L3MBTL3: variants seen among roughly 807,000 people sequenced by gnomAD.
L3MBTL3 encodes lethal(3)malignant brain tumor-like protein 3.
A neutral mutation model predicts 102.3 loss-of-function variants in L3MBTL3; 27 were observed. The ratio of observed to expected loss-of-function variants is 0.26; its 90% CI spans 0.19 to 0.36. The LOEUF (loss-of-function observed/expected upper bound fraction) is 0.36, where lower values mean the gene tolerates loss of function less well. L3MBTL3 is among the 10% of genes least tolerant of loss of function. The pLI, the probability that L3MBTL3 is intolerant of heterozygous loss-of-function variation, is 1.00. For missense variants in L3MBTL3, 798 were observed against 955.3 expected, an observed-to-expected ratio of 0.84 and a Z score of 2.17; for synonymous variants, 340 against 320.9, an observed-to-expected ratio of 1.06 and a Z score of -0.64.
At chr6:130,066,087 A>T (rs1440564143) in intron 10 of L3MBTL3, among the ~76,000 whole-genome samples, 3 of 152,058 alleles carry the variant, frequency 2.0e-5, no homozygotes, top group Admixed American at 2.0e-4. Context: ...CAATTGTGGG[A>T]TATTATGCTT....
intron 12 of L3MBTL3, among the ~76,000 whole-genome samples, chr6:130,069,596 G>A (rs1782493548): frequency 2.0e-5 from 3 of 152,170 alleles, no homozygotes; most frequent in Admixed American, 1.3e-4. Flanking sequence ...ACAGTGCATT[G>A]TCAGTTGGTA....
intron 10 of L3MBTL3, among the ~76,000 whole-genome samples, chr6:130,065,174 T>C (rs1782166062): frequency 6.6e-6 from 1 of 152,176 alleles, no homozygotes; most frequent in Non-Finnish European, 1.5e-5. Context: ...AAAGAAAATA[T>C]GAAAAGTCCA....
At chr6:130,050,546 G>T (rs182317336) in intron 5 of L3MBTL3, among the ~76,000 whole-genome samples, 181 of 152,280 alleles carry the variant, frequency 1.2e-3, no homozygotes, top group Admixed American at 2.3e-3. Flanking sequence ...CACTTCTTCT[G>T]TACTACTTCT....
At chr6:130,078,721 T>G in intron 14 of L3MBTL3, 87 bp downstream of exon 14, 1 of 921,784 alleles carries the variant, frequency 1.1e-6, no homozygotes, top group South Asian at 1.6e-5. Flanking sequence ...TAGTAAATAT[T>G]TTGGCTTTGC....
intron 2 of L3MBTL3, among the ~76,000 whole-genome samples, chr6:130,038,781 C>T (rs1401566509): frequency 2.6e-5 from 4 of 151,750 alleles, no homozygotes; most frequent in African/African-American, 7.3e-5. Context: ...TCGTATAATC[C>T]CAGTTGTCTA....
At position 130,141,342 on chromosome 6, in the gene L3MBTL3, T is replaced by C. The variant is rs544284351; in HGVS notation, c.*1589T>C. 13 of 152,358 alleles carry C rather than the reference T, an allele frequency of 8.5e-5. No homozygotes were observed. Among genetic ancestry groups the C allele is most frequent in the African/African-American group, 2.4e-4 (10 of 41,584 alleles). The allele number at this position is 152,358 out of a possible 1,614,324, so 9.4% of individuals were successfully genotyped here. A position where few individuals can be genotyped will look rare whatever the true frequency, so the allele number is the denominator to read the frequency against. ...GCATGAATCTGCTTAAATAAGTTTT[T>C]TGTTGCTGTTTTTTCTTTTTTATGT... is the stretch of plus-strand genomic sequence containing the variant. On this transcript the variant is annotated 3_prime_UTR_variant, in exon 23 of 23. Coordinates refer to ENST00000361794, the MANE Select transcript of L3MBTL3 (RefSeq NM_032438.4).
intron 20 of L3MBTL3, among the ~76,000 whole-genome samples, chr6:130,125,451 G>A (rs1786533794): frequency 1.3e-5 from 2 of 152,008 alleles, no homozygotes; most frequent in African/African-American, 4.8e-5. Flanking sequence ...TTCTTCTGAT[G>A]TTTTCTAGAA....
intron 11 of L3MBTL3, among the ~76,000 whole-genome samples, chr6:130,066,916 A>C (rs962271198): frequency 1.3e-5 from 2 of 152,160 alleles, no homozygotes; most frequent in African/African-American, 4.8e-5. Flanking sequence ...GCTTGACCGT[A>C]TAGATCTTAA....
intron 8 of L3MBTL3, 147 bp from the exon 9 acceptor site, chr6:130,057,259 C>T (rs192479472): frequency 2.4e-5 from 17 of 697,252 alleles, no homozygotes; most frequent in East Asian, 5.4e-5. Flanking sequence ...CTTGGGAAGA[C>T]GAGCCAGGAA....
rs749164944 is a variant in L3MBTL3, at chr6:130,049,769, C to G, written c.228C>G (p.Pro76=). The G allele has an allele frequency of 4.3e-6, 7 of 1,614,122 alleles. No homozygotes were observed. Among genetic ancestry groups the G allele is most frequent in the South Asian group, 1.1e-5 (1 of 91,080 alleles). The stretch of plus-strand genomic sequence containing the variant: ...CTACATCTCCAGCCCCGACCTCTCC[C>G]CCGAGCTCCAGGCCCGTATTTCCAC... ...VPTAQEAPTS[P]PSSRPVFPPA... Residue 76 remains proline (P), a synonymous_variant, in exon 5 of 23, where the codon CCC becomes CCG. Transcript: ENST00000361794.
At chr6:130,065,772 G>A (rs549180497) in intron 10 of L3MBTL3, among the ~76,000 whole-genome samples, 2 of 152,246 alleles carry the variant, frequency 1.3e-5, no homozygotes, top group East Asian at 3.9e-4. Flanking sequence ...TCTAAGTGGG[G>A]CCCTGTAGGC....
At chr6:130,102,025 A>G (rs1195514779) in intron 18 of L3MBTL3, among the ~76,000 whole-genome samples, 1 of 152,008 alleles carries the variant, frequency 6.6e-6, no homozygotes, top group Non-Finnish European at 1.5e-5. Context: ...CTCTGCTTGG[A>G]TGTCTAATAA....
At chr6:130,077,126 A>G (rs1323165252) in intron 13 of L3MBTL3, among the ~76,000 whole-genome samples, 1 of 151,946 alleles carries the variant, frequency 6.6e-6, no homozygotes, top group Non-Finnish European at 1.5e-5. Context: ...TATTATATAT[A>G]TGTTATTTTT....
chr6:130,106,005 G>A (rs767916790), intron 19 of L3MBTL3, among the ~76,000 whole-genome samples: 2 of 152,136 alleles, frequency 1.3e-5, no homozygotes, highest in Non-Finnish European at 2.9e-5. Context: ...TTCTGTTCAC[G>A]TGTGGTCCTG....
intron 2 of L3MBTL3, among the ~76,000 whole-genome samples, chr6:130,024,143 G>A (rs976728050): frequency 3.3e-5 from 5 of 152,090 alleles, no homozygotes; most frequent in Non-Finnish European, 1.5e-5. Context: ...AGATGAGGAT[G>A]AGAAAATAGG....
At chr6:130,033,088 G>A (rs1009713560) in intron 2 of L3MBTL3, among the ~76,000 whole-genome samples, 1 of 152,206 alleles carries the variant, frequency 6.6e-6, no homozygotes, top group African/African-American at 2.4e-5. Context: ...GGAAAAGAAG[G>A]AAGTAGTTGA....
intron 2 of L3MBTL3, among the ~76,000 whole-genome samples, chr6:130,040,162 A>G (rs1426108099): frequency 6.6e-6 from 1 of 152,020 alleles, no homozygotes; most frequent in Non-Finnish European, 1.5e-5. Context: ...CCCTGTCTCT[A>G]CTAAAAATGC....
intron 13 of L3MBTL3, 137 bp downstream of exon 13, chr6:130,071,264 T>C: frequency 1.4e-6 from 1 of 731,694 alleles, no homozygotes. Context: ...AGATTTTTAA[T>C]TTTTTACCTG....
At chr6:130,045,349 C>T (rs904521601) in intron 3 of L3MBTL3, among the ~76,000 whole-genome samples, 2 of 152,208 alleles carry the variant, frequency 1.3e-5, no homozygotes, top group Non-Finnish European at 2.9e-5. Flanking sequence ...CTTCTCCACA[C>T]TGGGCTATCG....
Sources: gnomAD v4.1 joint callset for allele counts (sites outside exome capture counted in the v4.1 genomes callset) on GRCh38, gnomAD v4.1.1 for gene constraint, MANE v1.5 for transcripts, NCBI Gene and HGNC (gene_info 2026-07-23, HGNC 2026-07-21) for gene names.